SLC16A14: variants seen among roughly 807,000 people sequenced by gnomAD.
The protein encoded by SLC16A14 is solute carrier family 16 member 14.
SLC16A14 carries 14 observed loss-of-function variants against 35.8 expected under a neutral mutation model. The ratio of observed to expected loss-of-function variants is 0.39; its 90% CI spans 0.26 to 0.61. The LOEUF is 0.61. SLC16A14 is among the 20% of genes least tolerant of loss of function. The pLI, the probability that SLC16A14 is intolerant of heterozygous loss-of-function variation, is 0.51. For synonymous variants in SLC16A14, 248 were observed against 258.9 expected, an observed-to-expected ratio of 0.96 and a Z score of 0.40; for missense variants, 533 against 655.0, an observed-to-expected ratio of 0.81 and a Z score of 2.03.
chr2:230,051,945 T>TC (rs2077663058), intron 2 of SLC16A14, among the ~76,000 whole-genome samples: 1 of 151,790 alleles, frequency 6.6e-6, no homozygotes, highest in Non-Finnish European at 1.5e-5. Context: ...TACTTTTTTT[T>TC]TTTTTTTTTG....
chr2:230,041,441 G>A (rs897849334), intron 4 of SLC16A14, among the ~76,000 whole-genome samples: 7 of 152,172 alleles, frequency 4.6e-5, no homozygotes, highest in Non-Finnish European at 1.0e-4. Context: ...TCCGTCTCCC[G>A]GGTTCAAGCA....
intron 2 of SLC16A14, among the ~76,000 whole-genome samples, chr2:230,052,235 TA>T (rs2077667492): frequency 6.6e-6 from 1 of 152,148 alleles, no homozygotes; most frequent in African/African-American, 2.4e-5. Flanking sequence ...GCGCCCGGCC[TA>T]AACATACTTT....
chr2:230,037,608 T>TAAATGCC, intron 4 of SLC16A14, 77 bp from the exon 5 acceptor site: 3 of 1,212,888 alleles, frequency 2.5e-6, no homozygotes, highest in Non-Finnish European at 3.4e-6. Context: ...CAGGCATTTA[T>TAAATGCC]TGCTGCTGTA....
intron 1 of SLC16A14, among the ~76,000 whole-genome samples, chr2:230,060,982 A>G (rs1255096819): frequency 6.6e-6 from 1 of 152,124 alleles, no homozygotes; most frequent in Non-Finnish European, 1.5e-5. Context: ...TAGGAGACTT[A>G]ATGCTCAGAA....
rs1194478856 is a variant in SLC16A14 at position 230,035,549 on chromosome 2, C to T, written c.*1831G>A. Reference sequence around the variant, plus strand: ...ACACAGAGAGAGATAGAGGAGGGAGCATTGCCTCAGCTTTAAGATTATCTT... The same window carrying T: ...ACACAGAGAGAGATAGAGGAGGGAGTATTGCCTCAGCTTTAAGATTATCTT... On this transcript the variant is annotated 3_prime_UTR_variant, in exon 5 of 5. Transcript: ENST00000295190. The T allele has an allele frequency of 1.3e-5, 2 of 152,522 alleles. No individual in the cohort carries two copies. The highest frequency in any genetic ancestry group is 3.8e-4 in the East Asian group (2 of 5,204). 9.4% of individuals were successfully genotyped at this position (152,522 alleles called of 1,614,324 possible).
chr2:230,045,909 G>A lies in SLC16A14; in HGVS notation c.1217C>T (p.Ala406Val). The A allele has an allele frequency of 4.3e-6, 7 of 1,612,400 alleles. No homozygotes were observed. The highest frequency in any genetic ancestry group is 5.9e-6 in the Non-Finnish European group (7 of 1,178,496). ...CAGCGCACAGATGACCGCCAGGCCA[G>A]CGTACGTGTGCATCAACGGCAGAAT... ...IFILPLMHTY[A>V]GLAVICALIG... is the part of the protein sequence containing the mutation. The change falls in exon 4 of 5, where the codon GCT becomes GTT. Residue 406 changes from alanine (A) to valine (V), a missense_variant. By Grantham distance (64) the Ala-to-Val change is moderately conservative (BLOSUM62 0). Coordinates refer to ENST00000295190, the MANE Select transcript of SLC16A14 (RefSeq NM_152527.5).
At chr2:230,048,943 A>AAAAAAAG (rs562094733) in intron 3 of SLC16A14, among the ~76,000 whole-genome samples, 2 of 107,308 alleles carry the variant, frequency 1.9e-5, no homozygotes, top group Non-Finnish European at 3.8e-5. Flanking sequence ...AAAAAAAAAA[A>AAAAAAAG]AACAAATGAT....
In SLC16A14 at chr2:230,045,754, G is replaced by T; in HGVS notation, c.1372C>A (p.Pro458Thr). 1 of 1,614,164 alleles carries T rather than the reference G, an allele frequency of 6.2e-7. No individual in the cohort carries two copies. The highest frequency in any genetic ancestry group is 1.7e-4 in the Middle Eastern group (1 of 6,058). Residue 458 changes from proline to threonine, a missense_variant, in exon 4 of 5, where the codon CCT (proline) becomes ACT (threonine). By Grantham distance (38) the Pro-to-Thr change is conservative (BLOSUM62 -1). Transcript: ENST00000295190. ...ANGISALLGPPFAGWIYDITQ... is the reference protein window; with the variant it reads ...ANGISALLGPTFAGWIYDITQ... ...ACCTCAGAGAGTTTACCTGCAAAAG[G>T]TGGTCCCAGCAATGCAGAGATGCCA...
In SLC16A14 at chr2:230,045,868, C is replaced by A; in HGVS notation, c.1258G>T (p.Gly420Cys). 1 of 1,613,872 alleles carries A rather than the reference C, an allele frequency of 6.2e-7. No individual in the cohort carries two copies. Among genetic ancestry groups the A allele is most frequent in the Non-Finnish European group, 8.5e-7 (1 of 1,179,870 alleles). Residue 420 changes from glycine to cysteine, a missense_variant, in exon 4 of 5, where the codon GGT becomes TGT. Gly to Cys is a radical substitution (Grantham distance 159). Coordinates refer to ENST00000295190, the MANE Select transcript of SLC16A14 (RefSeq NM_152527.5). Reference sequence around the variant, plus strand: ...ACTACGGGCATTAGGGAGAAATAACCACTGGAAAACCCTATCAGCGCACAG... The same window carrying A: ...ACTACGGGCATTAGGGAGAAATAACAACTGGAAAACCCTATCAGCGCACAG... The part of the protein sequence containing the change: ...VICALIGFSS[G>C]YFSLMPVVTE...
Position 230,046,515 on chromosome 2 carries a change from A to G in SLC16A14, c.611T>C (p.Val204Ala). 6 of 1,614,216 alleles carry G rather than the reference A, an allele frequency of 3.7e-6. No homozygotes were observed. The highest frequency in any genetic ancestry group is 5.1e-6 in the Non-Finnish European group (6 of 1,180,034). ...GAGGGGCCTCATGAGCGCCCCACAA[A>G]CACACAGGTTTAGGGAAACGGCACC... Reference protein sequence around the residue: ...IQGAVSLNLCVCGALMRPLSP... With the variant: ...IQGAVSLNLCACGALMRPLSP... The change falls in exon 4 of 5, where the codon GTT becomes GCT. Residue 204 changes from valine to alanine, a missense_variant. Transcript: ENST00000295190. The surrounding 1 kb of genome is among the most constrained non-coding windows in gnomAD (Gnocchi z 5.0).
chr2:230,059,040 G>A, intron 2 of SLC16A14, 54 bp downstream of exon 2: 1 of 1,522,528 alleles, frequency 6.6e-7, no homozygotes, highest in Non-Finnish European at 8.8e-7. Flanking sequence ...CTTACAGTGG[G>A]GAATTGTCAT....
Position 230,036,454 on chromosome 2 carries a change from A to G in SLC16A14, c.*926T>C, listed in dbSNP as rs1405463968. 1 of 152,248 alleles carries G rather than the reference A, an allele frequency of 6.6e-6. No individual in the cohort carries two copies. The highest frequency in any genetic ancestry group is 1.5e-5 in the Non-Finnish European group (1 of 68,044). The allele number at this position is 152,248 out of a possible 1,614,324, so 9.4% of individuals were successfully genotyped here. A position where few individuals can be genotyped will look rare whatever the true frequency, so the allele number is the denominator to read the frequency against. On this transcript the variant is annotated 3_prime_UTR_variant, in exon 5 of 5. Transcript: ENST00000295190. The stretch of plus-strand genomic sequence containing the variant: ...AATTGATAGTGTTATACTTTGGATT[A>G]GCAACATTCCTTGGAGATGATTTAA...
At chr2:230,055,241 T>C (rs2077695354) in intron 2 of SLC16A14, among the ~76,000 whole-genome samples, 1 of 152,162 alleles carries the variant, frequency 6.6e-6, no homozygotes, top group African/African-American at 2.4e-5. Context: ...TACATTAACG[T>C]GCATGTGGCA....
In SLC16A14 at chr2:230,037,364, G is replaced by A. The variant is rs772544973; in HGVS notation, c.*16C>T. The A allele has an allele frequency of 3.1e-5, 49 of 1,578,678 alleles. 1 individual carries two copies. In the Admixed American group the frequency reaches 3.6e-4, roughly 12 times the overall value. On this transcript the variant is annotated 3_prime_UTR_variant, in exon 5 of 5. Transcript: ENST00000295190. ...ATGAGTATTACAATGAAACCTACAC[G>A]GAACATTACATGATACTAAACATGT...
At chr2:230,056,250 G>A (rs1448982354) in intron 2 of SLC16A14, among the ~76,000 whole-genome samples, 4 of 129,888 alleles carry the variant, frequency 3.1e-5, no homozygotes, top group Non-Finnish European at 6.4e-5. Flanking sequence ...ACTAATATTG[G>A]TGTTTTTTTT....
At chr2:230,049,104 C>CT (rs1249437003) in intron 3 of SLC16A14, among the ~76,000 whole-genome samples, 1 of 148,518 alleles carries the variant, frequency 6.7e-6, no homozygotes, top group East Asian at 2.0e-4. Context: ...GAGTCTTACT[C>CT]TGTCAACCAG....
At chr2:230,061,803 G>A (rs546970192) in intron 1 of SLC16A14, among the ~76,000 whole-genome samples, 5 of 150,642 alleles carry the variant, frequency 3.3e-5, no homozygotes, top group Admixed American at 2.0e-4. Context: ...GGGCAGTGGC[G>A]TAATTTTGAC....
chr2:230,042,480 A>G (rs948355470), intron 4 of SLC16A14, among the ~76,000 whole-genome samples: 2 of 152,176 alleles, frequency 1.3e-5, no homozygotes, highest in East Asian at 1.9e-4. Flanking sequence ...GCTACCATTG[A>G]AATCTGACAG....
intron 4 of SLC16A14, among the ~76,000 whole-genome samples, chr2:230,044,462 AG>A (rs1180948712): frequency 7.6e-6 from 1 of 131,364 alleles, no homozygotes; most frequent in Non-Finnish European, 1.6e-5. Context: ...TGGGTGACAG[AG>A]GGAGATTCCG....
Sources: gnomAD v4.1 joint callset for allele counts (sites outside exome capture counted in the v4.1 genomes callset) on GRCh38, gnomAD v4.1.1 for gene constraint, Gnocchi (gnomAD v3.1) non-coding constraint, MANE v1.5 for transcripts, NCBI Gene and HGNC (gene_info 2026-07-23, HGNC 2026-07-21) for gene names.